CCSER2: variants seen among roughly 807,000 people sequenced by gnomAD.
The protein encoded by CCSER2 is coiled-coil serine rich protein 2, also known as serine-rich coiled-coil domain-containing protein 2.
In CCSER2, 46 loss-of-function variants were observed where a neutral mutation model predicts 92.3. The observed-to-expected ratio is 0.50, with a 90% confidence interval of 0.39 to 0.64. The LOEUF (loss-of-function observed/expected upper bound fraction) is 0.64, where lower values mean the gene tolerates loss of function less well. Ranked by LOEUF, CCSER2 falls within the 30% of genes least tolerant of loss-of-function variation. The pLI, the probability that CCSER2 is intolerant of heterozygous loss-of-function variation, is 0.00. For synonymous variants in CCSER2, 433 were observed against 431.4 expected (o/e 1.00, Z -0.04); for missense variants, 1,244 against 1,238.9 (o/e 1.00, Z -0.06).
chr10:84,355,944 A>G (rs1277003469), intron 1 of CCSER2, among the ~76,000 whole-genome samples: 2 of 152,238 alleles, frequency 1.3e-5, no homozygotes, highest in Non-Finnish European at 2.9e-5. Flanking sequence ...CTCTACTAAA[A>G]ATACAAAAAT....
chr10:84,350,171 A>C (rs1844782264), intron 1 of CCSER2, among the ~76,000 whole-genome samples: 1 of 152,160 alleles, frequency 6.6e-6, no homozygotes. Flanking sequence ...TAATAATAAC[A>C]AAAAGTACAT....
intron 7 of CCSER2, among the ~76,000 whole-genome samples, chr10:84,464,920 G>T (rs1402341423): frequency 1.3e-5 from 2 of 152,188 alleles, no homozygotes; most frequent in Non-Finnish European, 2.9e-5. Flanking sequence ...GTAGGTTGCA[G>T]AGTGATTTAT....
At chr10:84,377,175 G>A (rs1479276700) in intron 3 of CCSER2, among the ~76,000 whole-genome samples, 3 of 152,044 alleles carry the variant, frequency 2.0e-5, no homozygotes, top group East Asian at 1.9e-4. Context: ...TGTTGATATA[G>A]AACTTACCAA....
intron 1 of CCSER2, among the ~76,000 whole-genome samples, chr10:84,350,976 C>G (rs2133067829): frequency 6.6e-6 from 1 of 152,256 alleles, no homozygotes; most frequent in East Asian, 1.9e-4. Context: ...ATCTTTGGTC[C>G]AGTCATCTGT....
intron 1 of CCSER2, among the ~76,000 whole-genome samples, chr10:84,358,214 C>G (rs1242845326): frequency 6.6e-6 from 1 of 152,060 alleles, no homozygotes; most frequent in Non-Finnish European, 1.5e-5. Flanking sequence ...TAAGTTTAAC[C>G]TGGTTATCTT....
At chr10:84,437,719 T>C (rs912072521) in intron 5 of CCSER2, among the ~76,000 whole-genome samples, 1 of 148,686 alleles carries the variant, frequency 6.7e-6, no homozygotes, top group Non-Finnish European at 1.5e-5. Context: ...AGTTTTTTTT[T>C]TTTTTTTTTT....
chr10:84,372,166 A>C lies in CCSER2; in HGVS notation c.1114A>C (p.Ser372Arg). The change falls in exon 2 of 10, where the codon AGT becomes CGT. Residue 372 changes from serine to arginine, a missense_variant. Physicochemically the swap from Ser to Arg is moderately radical, Grantham distance 110. Coordinates refer to ENST00000372088, the MANE Select transcript of CCSER2 (RefSeq NM_001284240.2). ...NKDQELIENE[S>R]YRTKNNQTMK... is the part of the protein sequence containing the mutation. ...GGACCAAGAACTGATTGAAAATGAA[A>C]GTTATAGAACAAAAAACAACCAGAC... is the stretch of plus-strand genomic sequence containing the variant. 1.2e-6 allele frequency: 2 copies of C among 1,613,642 alleles called. No individual in the cohort carries two copies. Among genetic ancestry groups the C allele is most frequent in the Non-Finnish European group, 1.7e-6 (2 of 1,179,800 alleles).
chr10:84,472,340 G>T (rs1005596353), intron 8 of CCSER2, among the ~76,000 whole-genome samples: 1 of 152,096 alleles, frequency 6.6e-6, no homozygotes, highest in African/African-American at 2.4e-5. Flanking sequence ...AGGCCTAGGT[G>T]GGTGGATTGC....
chr10:84,347,529 C>G (rs561322231), intron 1 of CCSER2, among the ~76,000 whole-genome samples: 1 of 149,280 alleles, frequency 6.7e-6, no homozygotes, highest in Admixed American at 6.6e-5. Context: ...CCCTCCCGGA[C>G]GGGGCGGCTG....
At chr10:84,497,706 T>C (rs1848524765) in intron 9 of CCSER2, among the ~76,000 whole-genome samples, 1 of 152,220 alleles carries the variant, frequency 6.6e-6, no homozygotes. Context: ...CTAATATCTT[T>C]TAAAACTCCT....
chr10:84,473,114 A>G (rs930958893), intron 8 of CCSER2: 2 of 152,210 alleles, frequency 1.3e-5, no homozygotes, highest in African/African-American at 4.8e-5. Flanking sequence ...GAGCATCCTA[A>G]AGAAAGAAAA....
intron 3 of CCSER2, chr10:84,389,653 C>G (rs1589521801): frequency 5.4e-6 from 1 of 186,674 alleles, no homozygotes; most frequent in African/African-American, 2.4e-5. Context: ...TTGGATGAAC[C>G]TGGATTTGGT....
chr10:84,405,289 C>CT (rs1842321704), intron 3 of CCSER2, among the ~76,000 whole-genome samples: 1 of 151,934 alleles, frequency 6.6e-6, no homozygotes, highest in Non-Finnish European at 1.5e-5. Flanking sequence ...AAAAATTGAA[C>CT]TTTGACTAAA....
In CCSER2 at chr10:84,372,170, A is replaced by T. The variant is rs757793481; in HGVS notation, c.1118A>T (p.Tyr373Phe). ...KDQELIENES[Y>F]RTKNNQTMKH... Reference sequence around the variant, plus strand: ...CAAGAACTGATTGAAAATGAAAGTTATAGAACAAAAAACAACCAGACCATG... The same window carrying T: ...CAAGAACTGATTGAAAATGAAAGTTTTAGAACAAAAAACAACCAGACCATG... The change falls in exon 2 of 10, where the codon TAT (tyrosine) becomes TTT (phenylalanine). Residue 373 changes from tyrosine to phenylalanine, a missense_variant. Tyr to Phe is a conservative substitution (Grantham distance 22). Coordinates refer to ENST00000372088, the MANE Select transcript of CCSER2 (RefSeq NM_001284240.2). 7.4e-6 allele frequency: 12 copies of T among 1,613,644 alleles called. No homozygotes were observed. The highest frequency in any genetic ancestry group is 1.0e-5 in the Non-Finnish European group (12 of 1,179,788).
intron 3 of CCSER2, among the ~76,000 whole-genome samples, chr10:84,407,593 A>C (rs757166117): frequency 6.6e-6 from 1 of 152,240 alleles, no homozygotes; most frequent in Non-Finnish European, 1.5e-5. Flanking sequence ...GGCCACTGAC[A>C]TATGCCACAT....
At chr10:84,402,607 A>T (rs567733606) in intron 3 of CCSER2, among the ~76,000 whole-genome samples, 1 of 152,236 alleles carries the variant, frequency 6.6e-6, no homozygotes, top group South Asian at 2.1e-4. Flanking sequence ...GCAAAATATA[A>T]CATCAATTAA....
intron 1 of CCSER2, among the ~76,000 whole-genome samples, chr10:84,341,652 T>C (rs1281107064): frequency 6.6e-6 from 1 of 152,072 alleles, no homozygotes; most frequent in African/African-American, 2.4e-5. Context: ...AAGGTCTCAG[T>C]CCCACAAGAT....
intron 4 of CCSER2, among the ~76,000 whole-genome samples, chr10:84,420,413 G>GAT (rs1487973875): frequency 6.6e-6 from 1 of 152,176 alleles, no homozygotes; most frequent in Non-Finnish European, 1.5e-5. Context: ...AGGCACCAAA[G>GAT]ATAAAATAGT....
chr10:84,490,196 G>A (rs1165705414), intron 9 of CCSER2, among the ~76,000 whole-genome samples: 3 of 152,082 alleles, frequency 2.0e-5, no homozygotes, highest in Non-Finnish European at 4.4e-5. Context: ...TTCAGCTTTG[G>A]TGAATCTGAC....
Sources: gnomAD v4.1 joint callset for allele counts (sites outside exome capture counted in the v4.1 genomes callset) on GRCh38, gnomAD v4.1.1 for gene constraint, MANE v1.5 for transcripts, NCBI Gene and HGNC (gene_info 2026-07-23, HGNC 2026-07-21) for gene names.